ANXA6: variants seen among roughly 807,000 people sequenced by gnomAD.
ANXA6 encodes 67 kDa calelectrin.
ANXA6 carries 71 observed loss-of-function variants against 95.4 expected under a neutral mutation model. That is an observed-to-expected ratio of 0.74 (90% CI 0.61 to 0.91). ANXA6 has a LOEUF of 0.91. Among genes scored for constraint, ANXA6 ranks in the 40% least tolerant of loss-of-function variants. ANXA6 has a pLI of 0.00. For missense variants in ANXA6, 830 were observed against 876.4 expected (o/e 0.95, Z 0.67); for synonymous variants, 289 against 315.9 (o/e 0.91, Z 0.90).
intron 23 of ANXA6, among the ~76,000 whole-genome samples, chr5:151,107,180 AAAC>A (rs1764717378): frequency 2.0e-5 from 3 of 152,236 alleles, no homozygotes; most frequent in Admixed American, 6.5e-5. Flanking sequence ...GCTTGGTGGG[AAAC>A]AACAATACAA....
At chr5:151,113,854 T>C (rs908415195) in intron 20 of ANXA6, among the ~76,000 whole-genome samples, 1 of 152,252 alleles carries the variant, frequency 6.6e-6, no homozygotes, top group Non-Finnish European at 1.5e-5. Flanking sequence ...TTAGTCATAA[T>C]AGCCAAAAGG....
intron 20 of ANXA6, among the ~76,000 whole-genome samples, chr5:151,113,100 T>A (rs1005319631): frequency 6.6e-6 from 1 of 152,156 alleles, no homozygotes; most frequent in Non-Finnish European, 1.5e-5. Flanking sequence ...GCCACTGAAC[T>A]GTATACTTTA....
chr5:151,134,320 G>A, intron 8 of ANXA6, 107 bp downstream of exon 8: 1 of 1,054,482 alleles, frequency 9.5e-7, no homozygotes, highest in Non-Finnish European at 1.5e-6. Context: ...GTTATTTCTG[G>A]TATTTGATGC....
chr5:151,153,816 T>C (rs1238769188), intron 1 of ANXA6, among the ~76,000 whole-genome samples: 4 of 152,220 alleles, frequency 2.6e-5, no homozygotes, highest in Non-Finnish European at 5.9e-5. Flanking sequence ...TCTTTTGAGC[T>C]GGTTATAACA....
At chr5:151,117,665 T>A in intron 19 of ANXA6, 93 bp downstream of exon 19, 1 of 1,121,026 alleles carries the variant, frequency 8.9e-7, no homozygotes. Context: ...GGAGTGCACT[T>A]CTAACTCCCC....
At chr5:151,117,011 C>A in intron 20 of ANXA6, 116 bp downstream of exon 20, 1 of 918,966 alleles carries the variant, frequency 1.1e-6, no homozygotes, top group Non-Finnish European at 1.6e-6. Context: ...TCAAACCAAC[C>A]ACGCCCCTGC....
In ANXA6 at chr5:151,119,291, CA is replaced by C; in HGVS notation, c.1438+8del. 6.2e-7 allele frequency: 1 copy of C among 1,612,156 alleles called. No homozygotes were observed. Among genetic ancestry groups the C allele is most frequent in the Non-Finnish European group, 8.5e-7 (1 of 1,179,332 alleles). ...TCCCAGCATCTGGGCCCAGGCCTCC[CA>C]AACTCACCCTCCTTATAGGCCTCAT... On this transcript the variant is annotated splice_region_variant and intron_variant, in intron 18 of 25. Transcript: ENST00000354546.
At chr5:151,153,964 C>T (rs1269288896) in intron 1 of ANXA6, among the ~76,000 whole-genome samples, 2 of 152,062 alleles carry the variant, frequency 1.3e-5, no homozygotes, top group African/African-American at 4.8e-5. Flanking sequence ...GGGCGTGGCT[C>T]CTATGGATGG....
At chr5:151,117,269 C>G in intron 19 of ANXA6, 89 bp from the exon 20 acceptor site, 1 of 1,277,938 alleles carries the variant, frequency 7.8e-7, no homozygotes, top group Non-Finnish European at 1.1e-6. Context: ...ATTTTCACCT[C>G]TCTGAATGCT....
At chr5:151,128,780 G>A (rs576886781) in intron 12 of ANXA6, among the ~76,000 whole-genome samples, 6 of 152,350 alleles carry the variant, frequency 3.9e-5, no homozygotes, top group African/African-American at 1.4e-4. Flanking sequence ...CTGAGGTAAA[G>A]AAACTGGCTT....
chr5:151,116,052 C>A lies in ANXA6; in HGVS notation c.1572+1075G>T, dbSNP rs116735547. Among the ~76,000 whole-genome samples, 1,401 of 152,286 alleles carry A rather than the reference C, an allele frequency of 9.2e-3. 22 individuals carry two copies. The highest frequency in any genetic ancestry group is 0.032 in the African/African-American group (1,317 of 41,554). On this transcript the variant is annotated intron_variant, in intron 20 of 25. Transcript: ENST00000354546. ...ATAAAAACGTATAGAATAATCTTGG[C>A]ATCGTTCTCAATATATAGTATGCAT...
rs1371605933 is a variant in ANXA6 at position 151,148,024 on chromosome 5, C to G, written c.-25-98G>C. 18 of 1,236,964 alleles carry G rather than the reference C, an allele frequency of 1.5e-5. No individual in the cohort carries two copies. The Middle Eastern group carries it at 5.6e-4, about 39-fold the overall frequency. The allele number at this position is 1,236,964 out of a possible 1,614,324, so 76.6% of individuals were successfully genotyped here. A position where few individuals can be genotyped will look rare whatever the true frequency, so the allele number is the denominator to read the frequency against. ...TCCCTCTGCTGTTTTCCAGCTGCCC[C>G]CAGCCCTTCAGGTTAAATCAGACCC... is the stretch of plus-strand genomic sequence containing the variant. On this transcript the variant is annotated intron_variant, in intron 1 of 25. Coordinates refer to ENST00000354546, the MANE Select transcript of ANXA6 (RefSeq NM_001155.5).
At chr5:151,133,029 A>C in intron 9 of ANXA6, 65 bp downstream of exon 9, 6 of 1,113,466 alleles carry the variant, frequency 5.4e-6, no homozygotes, top group Non-Finnish European at 6.3e-6. Flanking sequence ...AAAAGAAAAG[A>C]GATAAAGAAA....
In ANXA6 at chr5:151,117,093, G is replaced by A. The variant is rs745622773; in HGVS notation, c.1572+34C>T. On this transcript the variant is annotated intron_variant, in intron 20 of 25. Coordinates refer to ENST00000354546, the MANE Select transcript of ANXA6 (RefSeq NM_001155.5). ...CTGGACCTACATCTCAGGGACACCC[G>A]GCAGAGGTGACTGGGGTGGGCTGGG... 32 of 1,550,238 alleles carry A rather than the reference G, an allele frequency of 2.1e-5. No individual in the cohort carries two copies. The East Asian group carries it at 2.4e-4, about 12-fold the overall frequency.
chr5:151,101,335 T>TCCCCCCCCC lies in ANXA6; in HGVS notation c.*112_*113insGGGGGGGGG. 6.5e-6 allele frequency: 1 copy of TCCCCCCCCC among 153,036 alleles called. No homozygotes were observed. Among genetic ancestry groups the TCCCCCCCCC allele is most frequent in the Non-Finnish European group, 1.4e-5 (1 of 72,044 alleles). 9.5% of individuals were successfully genotyped at this position (153,036 alleles called of 1,614,324 possible). A position where few individuals can be genotyped will look rare whatever the true frequency, so the allele number is the denominator to read the frequency against. On this transcript the variant is annotated 3_prime_UTR_variant, in exon 26 of 26. Coordinates refer to ENST00000354546, the MANE Select transcript of ANXA6 (RefSeq NM_001155.5). Reference sequence around the variant, plus strand: ...GAAGATAAGAGCCCAACCCAACCCCTCCCCCCACCCCTGCCCCTTCCTTAG... The same window carrying TCCCCCCCCC: ...GAAGATAAGAGCCCAACCCAACCCCTCCCCCCCCCCCCCCCACCCCTGCCCCTTCCTTAG...
At chr5:151,154,585 C>T (rs1766188759) in intron 1 of ANXA6, among the ~76,000 whole-genome samples, 1 of 152,138 alleles carries the variant, frequency 6.6e-6, no homozygotes, top group African/African-American at 2.4e-5. Context: ...TGCAGGAAGA[C>T]ACCCAGGACC....
At chr5:151,117,088 C>T (rs1765020391) in intron 20 of ANXA6, 39 bp downstream of exon 20, 11 of 1,535,254 alleles carry the variant, frequency 7.2e-6, no homozygotes, top group Non-Finnish European at 9.7e-6. Context: ...ATCTCAGGGA[C>T]ACCCGGCAGA....
chr5:151,119,732 A>G (rs1427887237), intron 17 of ANXA6, among the ~76,000 whole-genome samples: 2 of 152,246 alleles, frequency 1.3e-5, no homozygotes, highest in Non-Finnish European at 2.9e-5. Flanking sequence ...CATGCCTCAC[A>G]GTGTTAACTA....
chr5:151,111,389 G>A (rs570545527), intron 20 of ANXA6, among the ~76,000 whole-genome samples: 3 of 152,170 alleles, frequency 2.0e-5, no homozygotes, highest in Non-Finnish European at 4.4e-5. Context: ...TATTCTATTG[G>A]ATAGACTGAA....
Sources: allele counts gnomAD v4.1 joint callset (sites outside exome capture counted in the v4.1 genomes callset), GRCh38; gene constraint gnomAD v4.1.1; transcripts MANE v1.5; gene names NCBI Gene and HGNC (gene_info 2026-07-23, HGNC 2026-07-21).